Variants in DCP2 observed in about 807,000 individuals in gnomAD.
DCP2 encodes the protein m7GpppN-mRNA hydrolase.
DCP2 carries 30 observed loss-of-function variants against 56.1 expected under a neutral mutation model. The ratio of observed to expected loss-of-function variants is 0.53; its 90% CI spans 0.40 to 0.73. The LOEUF is 0.73. Ranked by LOEUF, DCP2 falls within the 30% of genes least tolerant of loss-of-function variation. The pLI is 0.00. For missense variants in DCP2, 533 were observed against 502.7 expected (o/e 1.06, Z -0.58); for synonymous variants, 197 against 163.3 (o/e 1.21, Z -1.57).
In DCP2 at chr5:112,985,823, T is replaced by G; in HGVS notation, c.54-12T>G. 1 of 1,592,170 alleles carries G rather than the reference T, an allele frequency of 6.3e-7. No individual in the cohort carries two copies. On this transcript the variant is annotated splice_polypyrimidine_tract_variant and intron_variant, in intron 1 of 10. Coordinates refer to ENST00000389063, the MANE Select transcript of DCP2 (RefSeq NM_152624.6). ...GTAAATGTAATTTTTGTATGTGTTT[T>G]GTTTTTGACAGCCGATTTATTTTGC... is the stretch of plus-strand genomic sequence containing the variant.
At chr5:113,005,129 C>CA (rs1027740001) in intron 8 of DCP2, among the ~76,000 whole-genome samples, 21 of 114,420 alleles carry the variant, frequency 1.8e-4, no homozygotes, top group Admixed American at 3.5e-4. Context: ...AACTCTGTCT[C>CA]AAAAAAAAAA....
chr5:112,987,597 T>A (rs1194822596), intron 2 of DCP2, among the ~76,000 whole-genome samples: 1 of 143,148 alleles, frequency 7.0e-6, no homozygotes, highest in Non-Finnish European at 1.5e-5. Context: ...GGACTACAGG[T>A]GCAAGCCACC....
At chr5:113,010,904 T>C in intron 10 of DCP2, 97 bp downstream of exon 10, 2 of 1,298,874 alleles carry the variant, frequency 1.5e-6, no homozygotes, top group Non-Finnish European at 2.1e-6. Flanking sequence ...TCTGTGATAG[T>C]TAAGCAGGAA....
chr5:113,013,965 T>C lies in DCP2; in HGVS notation c.*481T>C, dbSNP rs1245454232. On this transcript the variant is annotated 3_prime_UTR_variant, in exon 11 of 11. Coordinates refer to ENST00000389063, the MANE Select transcript of DCP2 (RefSeq NM_152624.6). ...TTACAGGTGATCTATTTTGGTGGCA[T>C]TTTGTACTTCTCTCTGCTTCTAACC... 1 of 152,722 alleles carries C rather than the reference T, an allele frequency of 6.5e-6. No homozygotes were observed. Among genetic ancestry groups the C allele is most frequent in the East Asian group, 1.9e-4 (1 of 5,208 alleles). 9.5% of individuals were successfully genotyped at this position (152,722 alleles called of 1,614,324 possible).
chr5:112,988,816 G>A (rs1207179726), intron 2 of DCP2, among the ~76,000 whole-genome samples: 1 of 152,208 alleles, frequency 6.6e-6, no homozygotes, highest in Non-Finnish European at 1.5e-5. Flanking sequence ...AGATAACCAA[G>A]TCCTCTTTTG....
chr5:112,982,815 C>T (rs1253057334), intron 1 of DCP2, among the ~76,000 whole-genome samples: 1 of 152,142 alleles, frequency 6.6e-6, no homozygotes, highest in Non-Finnish European at 1.5e-5. Flanking sequence ...TTTTCTTCAG[C>T]GTCAGTTAAA....
intron 9 of DCP2, among the ~76,000 whole-genome samples, chr5:113,010,323 G>A (rs1364299069): frequency 6.6e-6 from 1 of 151,220 alleles, no homozygotes; most frequent in African/African-American, 2.4e-5. Flanking sequence ...TGGGATTACA[G>A]CTGTGAGCCA....
rs973999290 is a variant in DCP2 at position 113,022,001 on chromosome 5, C to T, written c.*8517C>T. The T allele has an allele frequency of 6.6e-6, 1 of 152,102 alleles. No individual in the cohort carries two copies. The highest frequency in any genetic ancestry group is 6.5e-5 in the Admixed American group (1 of 15,278). 9.4% of individuals were successfully genotyped at this position (152,102 alleles called of 1,614,324 possible). A position where few individuals can be genotyped will look rare whatever the true frequency, so the allele number is the denominator to read the frequency against. On this transcript the variant is annotated 3_prime_UTR_variant, in exon 11 of 11. Transcript: ENST00000389063. ...CTAGACCCCTGCTTTGACTAGGGCT[C>T]TTGATTTCATGTAAGCATCATGGAT...
At chr5:112,993,500 C>T (rs897737928) in intron 4 of DCP2, among the ~76,000 whole-genome samples, 1 of 151,908 alleles carries the variant, frequency 6.6e-6, no homozygotes, top group Non-Finnish European at 1.5e-5. Flanking sequence ...GTGGTACATT[C>T]CTGTAATCCC....
At chr5:112,988,312 C>G (rs1332071948) in intron 2 of DCP2, among the ~76,000 whole-genome samples, 3 of 129,362 alleles carry the variant, frequency 2.3e-5, no homozygotes, top group African/African-American at 8.3e-5. Flanking sequence ...AAAACCCCGT[C>G]TCTACTAAAA....
chr5:112,983,175 AAGTC>A (rs1318189687), intron 1 of DCP2, among the ~76,000 whole-genome samples: 1 of 152,228 alleles, frequency 6.6e-6, no homozygotes, highest in Non-Finnish European at 1.5e-5. Flanking sequence ...AAAACTGATG[AAGTC>A]TGGGTTTCTC....
At chr5:112,988,479 G>A (rs1051140822) in intron 2 of DCP2, among the ~76,000 whole-genome samples, 20 of 131,116 alleles carry the variant, frequency 1.5e-4, no homozygotes, top group Admixed American at 8.4e-4. Flanking sequence ...GTGACACAGC[G>A]AGACTGTGTC....
chr5:112,987,272 G>A (rs755807623), intron 2 of DCP2, among the ~76,000 whole-genome samples: 10 of 152,142 alleles, frequency 6.6e-5, no homozygotes, highest in Non-Finnish European at 1.3e-4. Context: ...TGGGGAATGT[G>A]TTTTAGGTAA....
chr5:112,995,941 C>A (rs1748826676), intron 4 of DCP2, among the ~76,000 whole-genome samples: 1 of 152,144 alleles, frequency 6.6e-6, no homozygotes, highest in South Asian at 2.1e-4. Flanking sequence ...CACACTTATA[C>A]CCTTCTTGTG....
At chr5:113,002,286 G>T (rs781223789) in intron 7 of DCP2, among the ~76,000 whole-genome samples, 1 of 151,898 alleles carries the variant, frequency 6.6e-6, no homozygotes, top group African/African-American at 2.4e-5. Flanking sequence ...AGCTGGGCGT[G>T]GTGGCAGGCA....
At position 113,020,602 on chromosome 5, in the gene DCP2, A is replaced by G. The variant is rs919153190; in HGVS notation, c.*7118A>G. 2 of 152,216 alleles carry G rather than the reference A, an allele frequency of 1.3e-5. No individual in the cohort carries two copies. Among genetic ancestry groups the G allele is most frequent in the Non-Finnish European group, 2.9e-5 (2 of 68,028 alleles). The allele number at this position is 152,216 out of a possible 1,614,324, so 9.4% of individuals were successfully genotyped here. A position where few individuals can be genotyped will look rare whatever the true frequency, so the allele number is the denominator to read the frequency against. On this transcript the variant is annotated 3_prime_UTR_variant, in exon 11 of 11. Transcript: ENST00000389063. ...TTCCCTCAGTGTTAACGAAAGGATA[A>G]AGACTACCTGTATTGTTGGGTATGA...
intron 4 of DCP2, among the ~76,000 whole-genome samples, chr5:112,997,227 C>T (rs1204445401): frequency 1.3e-5 from 2 of 152,204 alleles, no homozygotes; most frequent in Non-Finnish European, 2.9e-5. Flanking sequence ...GGAATGCAGT[C>T]CATACCGTGG....
chr5:112,999,334 G>GT (rs200147708), intron 4 of DCP2, among the ~76,000 whole-genome samples: 3,782 of 148,086 alleles, frequency 0.026, 56 homozygotes, highest in South Asian at 0.041. Context: ...TTTTTCTGTT[G>GT]TTTTTTTTTT....
chr5:112,978,019 C>T (rs1334830526), intron 1 of DCP2, among the ~76,000 whole-genome samples: 12 of 151,680 alleles, frequency 7.9e-5, no homozygotes, highest in Non-Finnish European at 4.4e-5. Context: ...TTTCTTTTGC[C>T]CAGGCTGGTG....
Sources: allele counts gnomAD v4.1 joint callset (sites outside exome capture counted in the v4.1 genomes callset), GRCh38; gene constraint gnomAD v4.1.1; transcripts MANE v1.5; gene names NCBI Gene and HGNC (gene_info 2026-07-23, HGNC 2026-07-21).